The following FGFR1 variants were observed in gnomAD, a reference collection of about 807,000 sequenced individuals.
FGFR1 encodes the protein FGFR1/PLAG1 fusion.
Under a neutral mutation model 93.7 loss-of-function variants are expected in FGFR1, and 18 were observed. The ratio of observed to expected loss-of-function variants is 0.19; its 90% CI spans 0.13 to 0.28. The LOEUF is 0.28. FGFR1 is among the 10% of genes least tolerant of loss of function. The probability of loss-of-function intolerance (pLI) is 1.00; values close to 1 mark genes in which losing one functional copy is unlikely to be tolerated. For missense variants in FGFR1, 731 were observed against 1,080.4 expected, an observed-to-expected ratio of 0.68 and a Z score of 4.53; for synonymous variants, 448 against 429.3, an observed-to-expected ratio of 1.04 and a Z score of -0.54.
At chr8:38,457,211 T>C in intron 2 of FGFR1, 145 bp downstream of exon 2, 3 of 881,632 alleles carry the variant, frequency 3.4e-6, no homozygotes, top group South Asian at 1.5e-5. Context: ...TCTTGAGAGT[T>C]TCTCCTACAG....
rs187705965 is a variant in FGFR1, at chr8:38,442,698, C to G, written c.92-12750G>C. Among the ~76,000 whole-genome samples, 1,402 of 152,294 alleles carry G rather than the reference C, an allele frequency of 9.2e-3. 10 individuals are homozygous for G. Among genetic ancestry groups the G allele is most frequent in the Non-Finnish European group, 0.013 (871 of 68,020 alleles). On this transcript the variant is annotated intron_variant, in intron 2 of 17. Transcript: ENST00000447712. ...GGCCTCTCGAACAACCTCCCCTCCC[C>G]CAAACTCAGCAGAAATTGTATGGGG...
At chr8:38,422,758 G>C in intron 7 of FGFR1, 1 of 434,154 alleles carries the variant, frequency 2.3e-6, no homozygotes, top group Non-Finnish European at 4.1e-6. Flanking sequence ...AGTACCATTT[G>C]TAACACAGCA....
rs761180184 is a variant in FGFR1, at chr8:38,429,342, G to A, written c.358+340C>T. 3.3e-6 allele frequency: 2 copies of A among 606,942 alleles called. No individual in the cohort carries two copies. Among genetic ancestry groups the A allele is most frequent in the South Asian group, 2.8e-5 (2 of 71,414 alleles). 37.6% of individuals were successfully genotyped at this position (606,942 alleles called of 1,614,324 possible). ...AAGTCCAAATGGCAAGGGAGTGATG[G>A]AGTGGAAGCTGGCCGAGCACCACTT... On this transcript the variant is annotated intron_variant, in intron 3 of 17. Coordinates refer to ENST00000447712, the MANE Select transcript of FGFR1 (RefSeq NM_023110.3). This position sits in a 1 kb window ranked among gnomAD's most constrained non-coding sequence, Gnocchi z 4.4.
chr8:38,453,760 T>C (rs1042010981), intron 2 of FGFR1, among the ~76,000 whole-genome samples: 2 of 152,038 alleles, frequency 1.3e-5, no homozygotes, highest in Non-Finnish European at 2.9e-5. Context: ...GGCATAGTGG[T>C]GAGCACCTGT....
At chr8:38,449,346 G>C (rs937049357) in intron 2 of FGFR1, among the ~76,000 whole-genome samples, 3 of 152,102 alleles carry the variant, frequency 2.0e-5, no homozygotes, top group Non-Finnish European at 4.4e-5. Flanking sequence ...TGTATTTACG[G>C]AAAAAGGAAG....
At chr8:38,450,316 A>T (rs931307925) in intron 2 of FGFR1, among the ~76,000 whole-genome samples, 4 of 152,154 alleles carry the variant, frequency 2.6e-5, no homozygotes, top group African/African-American at 9.7e-5. Context: ...GTCAACAGGG[A>T]AACAGTTGTC....
intron 2 of FGFR1, 107 bp from the exon 3 acceptor site, chr8:38,430,055 G>A (rs373436549): frequency 3.1e-5 from 36 of 1,147,962 alleles, no homozygotes; most frequent in African/African-American, 1.8e-4. Context: ...ACACGGAGCC[G>A]CACCATCCTG....
chr8:38,468,116 G>A lies in FGFR1; in HGVS notation c.-224C>T. ...CTGGCGGGGTCGCAAGAGCTCCGCGGCCGGCGCTCGACTCCCGGCGGCGCT... is the reference window on the plus strand; with the variant it reads ...CTGGCGGGGTCGCAAGAGCTCCGCGACCGGCGCTCGACTCCCGGCGGCGCT... On this transcript the variant is annotated 5_prime_UTR_variant, in exon 1 of 18. Transcript: ENST00000447712. 1 of 226,386 alleles carries A rather than the reference G, an allele frequency of 4.4e-6. No homozygotes were observed. The highest frequency in any genetic ancestry group is 2.2e-5 in the African/African-American group (1 of 45,006). 14.0% of individuals were successfully genotyped at this position (226,386 alleles called of 1,614,324 possible).
chr8:38,420,162 G>A (rs1818196463), intron 8 of FGFR1: 1 of 189,330 alleles, frequency 5.3e-6, no homozygotes, highest in Admixed American at 5.4e-5. Flanking sequence ...TTAACATGCG[G>A]GGACACAGAT....
rs956724134 is a variant in FGFR1, at chr8:38,461,612, G to C, written c.-88-4078C>G. Among the ~76,000 whole-genome samples the C allele has an allele frequency of 2.6e-5, 4 of 152,246 alleles. No individual in the cohort carries two copies. In the East Asian group the frequency reaches 7.7e-4, roughly 29 times the overall value. On this transcript the variant is annotated intron_variant, in intron 1 of 17. Transcript: ENST00000447712. The stretch of plus-strand genomic sequence containing the variant: ...GCATGAGCCACCACACCCAGCCTGG[G>C]TCTTTTTATTCTTGTCCGCTGGAGA...
chr8:38,464,169 A>C (rs1835008488), intron 1 of FGFR1, among the ~76,000 whole-genome samples: 1 of 152,068 alleles, frequency 6.6e-6, no homozygotes. Flanking sequence ...ACAAAAAATT[A>C]GCCGGACATG....
chr8:38,446,809 T>C (rs531024525), intron 2 of FGFR1, among the ~76,000 whole-genome samples: 66 of 152,316 alleles, frequency 4.3e-4, no homozygotes, highest in Middle Eastern at 3.4e-3. Context: ...TCAGAGATTG[T>C]TGGACCACAT....
chr8:38,425,212 C>G (rs978442590), intron 6 of FGFR1, among the ~76,000 whole-genome samples: 14 of 152,126 alleles, frequency 9.2e-5, no homozygotes, highest in African/African-American at 3.4e-4. Context: ...GTCATCATAG[C>G]TCACTGCAGC....
intron 1 of FGFR1, among the ~76,000 whole-genome samples, chr8:38,459,320 G>A (rs889103672): frequency 2.0e-5 from 3 of 152,178 alleles, no homozygotes; most frequent in Admixed American, 2.0e-4. Flanking sequence ...CCCCTCGCAA[G>A]TGAGTCAGTG....
At position 38,457,592 on chromosome 8, in the gene FGFR1, G is replaced by GA. The variant is rs767452740; in HGVS notation, c.-88-59dup. On this transcript the variant is annotated intron_variant, in intron 1 of 17. Coordinates refer to ENST00000447712, the MANE Select transcript of FGFR1 (RefSeq NM_023110.3). ...AGGGTCTAGGTAGGGGAGGGGAAAGGAAAAACAGAAGGTAAAGTATGCCAT... is the reference window on the plus strand; with the variant it reads ...AGGGTCTAGGTAGGGGAGGGGAAAGGAAAAAACAGAAGGTAAAGTATGCCAT... 5 of 1,508,476 alleles carry GA rather than the reference G, an allele frequency of 3.3e-6. No individual in the cohort carries two copies. The East Asian group carries it at 1.2e-4, about 37-fold the overall frequency. 93.4% of individuals were successfully genotyped at this position (1,508,476 alleles called of 1,614,324 possible).
At chr8:38,456,151 T>C (rs1459756672) in intron 2 of FGFR1, among the ~76,000 whole-genome samples, 1 of 152,100 alleles carries the variant, frequency 6.6e-6, no homozygotes, top group Admixed American at 6.6e-5. Context: ...GTGGCAGCCT[T>C]TTGCACACAG....
In FGFR1 at chr8:38,415,930, C is replaced by G; in HGVS notation, c.1794G>C (p.Lys598Asn). The G allele has an allele frequency of 6.2e-7, 1 of 1,614,084 alleles. No individual in the cohort carries two copies. The highest frequency in any genetic ancestry group is 8.5e-7 in the Non-Finnish European group (1 of 1,180,028). ...SHNPEEQLSS[K>N]DLVSCAYQVA... is the part of the protein sequence containing the mutation. ...CCTGGTAGGCGCAGGACACCAGGTC[C>G]TTGGAGGAGAGCTGCTCCTCTGGGT... The change falls in exon 13 of 18, where the codon AAG (lysine) becomes AAC (asparagine). Residue 598 changes from lysine to asparagine, a missense_variant. Physicochemically the swap from Lys to Asn is moderately conservative, Grantham distance 94 (BLOSUM62 0). This residue lies in a region of FGFR1 where 39 missense variants were observed against 39.2 expected (regional missense o/e 1.00). Transcript: ENST00000447712.
At chr8:38,425,114 C>T (rs1048438441) in intron 6 of FGFR1, among the ~76,000 whole-genome samples, 1 of 151,940 alleles carries the variant, frequency 6.6e-6, no homozygotes, top group African/African-American at 2.4e-5. Flanking sequence ...AGATCTTACC[C>T]CAACCTCTTG....
intron 1 of FGFR1, chr8:38,463,445 T>C: frequency 4.9e-6 from 1 of 205,976 alleles, no homozygotes; most frequent in Non-Finnish European, 9.9e-6. Flanking sequence ...TAGGTCATAT[T>C]ATATGATTGT....
Sources: allele counts gnomAD v4.1 joint callset (sites outside exome capture counted in the v4.1 genomes callset), GRCh38; gene constraint gnomAD v4.1.1; regional missense constraint gnomAD v4.1.1; non-coding constraint Gnocchi (gnomAD v3.1); transcripts MANE v1.5; gene names NCBI Gene and HGNC (gene_info 2026-07-23, HGNC 2026-07-21).